The following ARHGAP39 variants were observed in gnomAD, a reference collection of about 807,000 sequenced individuals.
The protein encoded by ARHGAP39 is rho GTPase-activating protein 39.
A neutral mutation model predicts 106.9 loss-of-function variants in ARHGAP39; 44 were observed. That is an observed-to-expected ratio of 0.41 (90% CI 0.32 to 0.53). The LOEUF (loss-of-function observed/expected upper bound fraction) is 0.53, where lower values mean the gene tolerates loss of function less well. ARHGAP39 is among the 20% of genes least tolerant of loss of function. The pLI is 0.21. For missense variants in ARHGAP39, 1,496 were observed against 1,577.3 expected (o/e 0.95, Z 0.87); for synonymous variants, 768 against 693.2 (o/e 1.11, Z -1.69).
rs1821395177 is a variant in ARHGAP39, at chr8:144,644,513, G to C, written c.-81-38818C>G. Among the ~76,000 whole-genome samples the C allele has an allele frequency of 6.6e-6, 1 of 152,178 alleles. No individual in the cohort carries two copies. The highest frequency in any genetic ancestry group is 1.9e-4 in the East Asian group (1 of 5,198). On this transcript the variant is annotated intron_variant, in intron 1 of 11. Coordinates refer to ENST00000377307, the MANE Select transcript of ARHGAP39 (RefSeq NM_025251.3). The surrounding 1 kb of genome is among the most constrained non-coding windows in gnomAD (Gnocchi z 4.8). ...CTAAAAACCATGGGATTATATACTT[G>C]AAATGAGTGAATTTTTTATATATAA...
At chr8:144,619,823 TGA>T (rs574154130) in intron 1 of ARHGAP39, among the ~76,000 whole-genome samples, 68 of 145,186 alleles carry the variant, frequency 4.7e-4, no homozygotes, top group African/African-American at 1.5e-3. Flanking sequence ...CTTGTGTCCC[TGA>T]GAGTGTGTGT....
intron 3 of ARHGAP39, among the ~76,000 whole-genome samples, chr8:144,559,951 A>G (rs991167222): frequency 6.6e-6 from 1 of 152,240 alleles, no homozygotes; most frequent in Non-Finnish European, 1.5e-5. Context: ...CATCACGTTG[A>G]CACTCAAAAC....
chr8:144,538,661 C>A lies in ARHGAP39; in HGVS notation c.2522-848G>T, dbSNP rs145665582. Among the ~76,000 whole-genome samples the A allele has an allele frequency of 3.3e-3, 499 of 152,246 alleles. 7 individuals are homozygous for A. The highest frequency in any genetic ancestry group is 5.0e-3 in the South Asian group (24 of 4,822). ...AACCTCCACCCACCGCAGCCTCCAC[C>A]TCCCGGGTTCAAGAGATTCCCACCT... On this transcript the variant is annotated intron_variant, in intron 6 of 11. Coordinates refer to ENST00000377307, the MANE Select transcript of ARHGAP39 (RefSeq NM_025251.3).
the ARHGAP39 span, among the ~76,000 whole-genome samples, chr8:144,695,558 C>T: frequency 1.9e-4 from 29 of 152,176 alleles, no homozygotes; most frequent in African/African-American, 5.3e-4. Context: ...CACTTTGAGA[C>T]GAATTAAGAG....
intron 2 of ARHGAP39, among the ~76,000 whole-genome samples, chr8:144,602,586 G>A (rs1820063592): frequency 6.9e-6 from 1 of 144,478 alleles, no homozygotes; most frequent in Admixed American, 6.9e-5. Context: ...GTGTGCATGT[G>A]TGTGGAGGTG....
chr8:144,608,039 C>A (rs1056829671), intron 1 of ARHGAP39, among the ~76,000 whole-genome samples: 5 of 151,672 alleles, frequency 3.3e-5, no homozygotes, highest in Non-Finnish European at 7.4e-5. Flanking sequence ...TGCCCGAAAT[C>A]CCAGCTACGC....
At chr8:144,697,822 T>C in the ARHGAP39 span, among the ~76,000 whole-genome samples, 1 of 152,214 alleles carries the variant, frequency 6.6e-6, no homozygotes, top group Non-Finnish European at 1.5e-5. Context: ...GTTGAGCTAA[T>C]GAATTGCAAT....
intron 1 of ARHGAP39, among the ~76,000 whole-genome samples, chr8:144,678,255 C>T (rs756085837): frequency 6.6e-6 from 1 of 151,776 alleles, no homozygotes; most frequent in African/African-American, 2.4e-5. Context: ...GGACAACCCA[C>T]CCTGACTCTC....
Position 144,547,436 on chromosome 8 carries a change from G to T in ARHGAP39, c.1650C>A (p.Ala550=). ...EGEAEGARGA[A]EPFLAQARLA... ...GCCGAGCCTGCGCCAGGAAGGGCTC[G>T]GCCGCGCCCCGCGCCCCTTCGGCCT... Residue 550 remains alanine (A), a synonymous_variant, in exon 5 of 12, where the codon GCC becomes GCA. Coordinates refer to ENST00000377307, the MANE Select transcript of ARHGAP39 (RefSeq NM_025251.3). This position sits in a 1 kb window ranked among gnomAD's most constrained non-coding sequence, Gnocchi z 5.2. 6.3e-7 allele frequency: 1 copy of T among 1,581,650 alleles called. No individual in the cohort carries two copies. Among genetic ancestry groups the T allele is most frequent in the East Asian group, 2.3e-5 (1 of 44,054 alleles).
chr8:144,537,954 G>C (rs1041122537), intron 6 of ARHGAP39, 141 bp from the exon 7 acceptor site: 26 of 702,842 alleles, frequency 3.7e-5, no homozygotes, highest in Non-Finnish European at 5.5e-5. Flanking sequence ...GAGCGTTTCT[G>C]GGGGGACGTG....
At position 144,591,755 on chromosome 8, in the gene ARHGAP39, G is replaced by A. The variant is rs911844218; in HGVS notation, c.81-10478C>T. Among the ~76,000 whole-genome samples, 1 of 152,230 alleles carries A rather than the reference G, an allele frequency of 6.6e-6. No individual in the cohort carries two copies. The highest frequency in any genetic ancestry group is 1.5e-5 in the Non-Finnish European group (1 of 68,032). On this transcript the variant is annotated intron_variant, in intron 2 of 11. Transcript: ENST00000377307. The surrounding 1 kb of genome is among the most constrained non-coding windows in gnomAD (Gnocchi z 5.3). ...ACACCAAGGACAGGACCACATGGACGCAGGTCAAACGCGGTGAGCAGTGAG... is the reference window on the plus strand; with the variant it reads ...ACACCAAGGACAGGACCACATGGACACAGGTCAAACGCGGTGAGCAGTGAG...
intron 1 of ARHGAP39, among the ~76,000 whole-genome samples, chr8:144,664,546 G>A (rs1298257508): frequency 6.6e-6 from 1 of 152,206 alleles, no homozygotes; most frequent in Non-Finnish European, 1.5e-5. Flanking sequence ...ATGTGGTTTG[G>A]CTGTGTCCCC....
At chr8:144,637,136 T>C (rs1038085706) in intron 1 of ARHGAP39, among the ~76,000 whole-genome samples, 2 of 152,248 alleles carry the variant, frequency 1.3e-5, no homozygotes, top group Non-Finnish European at 2.9e-5. Context: ...CTCATTGATG[T>C]TTCTTCCATC....
chr8:144,554,788 C>T (rs1025656597), intron 4 of ARHGAP39, among the ~76,000 whole-genome samples: 36 of 152,246 alleles, frequency 2.4e-4, no homozygotes, highest in African/African-American at 7.2e-4. Flanking sequence ...TTCCCTGCCA[C>T]AACCCTAATG....
At chr8:144,656,511 T>C (rs1821701991) in intron 1 of ARHGAP39, among the ~76,000 whole-genome samples, 1 of 152,020 alleles carries the variant, frequency 6.6e-6, no homozygotes, top group East Asian at 1.9e-4. Flanking sequence ...ATTCAAAAGT[T>C]AGTCTAAGGG....
At position 144,583,469 on chromosome 8, in the gene ARHGAP39, G is replaced by T. The variant is rs182465141; in HGVS notation, c.81-2192C>A. 6.6e-5 allele frequency among the ~76,000 whole-genome samples: 10 copies of T among 152,260 alleles called. No individual in the cohort carries two copies. In the East Asian group the frequency reaches 1.7e-3, roughly 26 times the overall value. The stretch of plus-strand genomic sequence containing the variant: ...GTCTGCCCACGGCCCGGGCGGGACT[G>T]GGTGCCCACTAAGGTTCCCCACCGT... On this transcript the variant is annotated intron_variant, in intron 2 of 11. Coordinates refer to ENST00000377307, the MANE Select transcript of ARHGAP39 (RefSeq NM_025251.3).
chr8:144,696,286 G>T, the ARHGAP39 span, among the ~76,000 whole-genome samples: 131 of 151,454 alleles, frequency 8.6e-4, 1 homozygote, highest in Admixed American at 3.0e-3. Flanking sequence ...TGACAAGTAC[G>T]TACGACCACA....
Position 144,547,569 on chromosome 8 carries a change from C to T in ARHGAP39, c.1517G>A (p.Ser506Asn). 1 of 1,472,396 alleles carries T rather than the reference C, an allele frequency of 6.8e-7. No homozygotes were observed. The highest frequency in any genetic ancestry group is 9.0e-7 in the Non-Finnish European group (1 of 1,114,038). The allele number at this position is 1,472,396 out of a possible 1,614,324, so 91.2% of individuals were successfully genotyped here. ...SRKPSLCQAT[S>N]ATPTEGPGDL... Reference sequence around the variant, plus strand: ...CCCGGGGCCCTCAGTGGGGGTGGCGCTGGTGGCTTGGCACAAAGAGGGCTT... The same window carrying T: ...CCCGGGGCCCTCAGTGGGGGTGGCGTTGGTGGCTTGGCACAAAGAGGGCTT... The change falls in exon 5 of 12, where the codon AGC becomes AAC. Residue 506 changes from serine (S) to asparagine (N), a missense_variant. Ser to Asn is a conservative substitution (Grantham distance 46). Coordinates refer to ENST00000377307, the MANE Select transcript of ARHGAP39 (RefSeq NM_025251.3). This position sits in a 1 kb window ranked among gnomAD's most constrained non-coding sequence, Gnocchi z 5.2.
intron 1 of ARHGAP39, among the ~76,000 whole-genome samples, chr8:144,622,427 C>T (rs925389197): frequency 3.9e-5 from 6 of 151,996 alleles, no homozygotes; most frequent in African/African-American, 1.5e-4. Context: ...CCACAACAAG[C>T]AGCAGAAGGC....
Sources: gnomAD v4.1 joint callset for allele counts (sites outside exome capture counted in the v4.1 genomes callset) on GRCh38, gnomAD v4.1.1 for gene constraint, Gnocchi (gnomAD v3.1) non-coding constraint, MANE v1.5 for transcripts, NCBI Gene and HGNC (gene_info 2026-07-23, HGNC 2026-07-21) for gene names.